The following SNAP47 variants were observed in gnomAD, a reference collection of about 807,000 sequenced individuals.
SNAP47 encodes the protein synaptosome associated protein 47.
SNAP47 carries 20 observed loss-of-function variants against 31.4 expected under a neutral mutation model. The observed-to-expected ratio is 0.64, with a 90% confidence interval of 0.45 to 0.93. SNAP47 has a LOEUF of 0.93. Among genes scored for constraint, SNAP47 ranks in the 40% least tolerant of loss-of-function variants. The pLI is 0.00. For synonymous variants in SNAP47, 194 were observed against 213.4 expected (o/e 0.91, Z 0.79); for missense variants, 492 against 528.5 (o/e 0.93, Z 0.68).
chr1:227,734,076 CG>C, upstream of SNAP47: 1 of 1,596,912 alleles, frequency 6.3e-7, no homozygotes, highest in East Asian at 2.2e-5. Flanking sequence ...ACGTGAGGCA[CG>C]AGGAGACTAG....
At position 227,780,681 on chromosome 1, in the gene SNAP47, A is replaced by G. The variant is rs2103010419; in HGVS notation, c.*8A>G. On this transcript the variant is annotated 3_prime_UTR_variant, in exon 5 of 5. Transcript: ENST00000617596. ...ATGAAGAGGCTGACCTAGGGGCAGA[A>G]CGTCCCTGCATTCCTGTCTCACCCT... is the stretch of plus-strand genomic sequence containing the variant. 1 of 1,613,994 alleles carries G rather than the reference A, an allele frequency of 6.2e-7. No homozygotes were observed. Among genetic ancestry groups the G allele is most frequent in the African/African-American group, 1.3e-5 (1 of 75,064 alleles).
rs2102897584 is a variant in SNAP47 at position 227,741,430 on chromosome 1, G to A, written c.-46+5931G>A. ...CTCAGCAAGGCCCCTTGGCTCATGG[G>A]CCAGGTCCAGCTACCACATTTTTGT... On this transcript the variant is annotated intron_variant, in intron 1 of 4. Coordinates refer to ENST00000617596, the MANE Select transcript of SNAP47 (RefSeq NM_053052.4). This position sits in a 1 kb window ranked among gnomAD's most constrained non-coding sequence, Gnocchi z 4.2. Among the ~76,000 whole-genome samples the A allele has an allele frequency of 6.6e-6, 1 of 152,276 alleles. No homozygotes were observed. Among genetic ancestry groups the A allele is most frequent in the South Asian group, 2.1e-4 (1 of 4,826 alleles).
chr1:227,772,476 C>A (rs1340095765), intron 4 of SNAP47, among the ~76,000 whole-genome samples: 1 of 151,948 alleles, frequency 6.6e-6, no homozygotes, highest in African/African-American at 2.4e-5. Flanking sequence ...AGGGCCCATG[C>A]ACTGAAAACC....
At chr1:227,740,859 G>A (rs1333206254) in intron 1 of SNAP47, among the ~76,000 whole-genome samples, 1 of 151,964 alleles carries the variant, frequency 6.6e-6, no homozygotes, top group African/African-American at 2.4e-5. Flanking sequence ...GGGGTGGGAG[G>A]AGGTGCCCAG....
chr1:227,745,046 C>T (rs1661872554), intron 1 of SNAP47, among the ~76,000 whole-genome samples: 1 of 152,232 alleles, frequency 6.6e-6, no homozygotes, highest in African/African-American at 2.4e-5. Flanking sequence ...CTGTGCTCTT[C>T]TCCCTGGGCT....
At position 227,754,947 on chromosome 1, in the gene SNAP47, A is replaced by G. The variant is rs565762048; in HGVS notation, c.498-4048A>G. 3.9e-5 allele frequency among the ~76,000 whole-genome samples: 6 copies of G among 152,272 alleles called. 2 individuals carry two copies. The highest frequency in any genetic ancestry group is 1.4e-4 in the African/African-American group (6 of 41,552). On this transcript the variant is annotated intron_variant, in intron 2 of 4. Coordinates refer to ENST00000617596, the MANE Select transcript of SNAP47 (RefSeq NM_053052.4). ...TTGTATAAACCAAAAGTAAAATCCTAAGCACCCCAGCCAACTGAATGGATC... is the reference window on the plus strand; with the variant it reads ...TTGTATAAACCAAAAGTAAAATCCTGAGCACCCCAGCCAACTGAATGGATC...
intron 4 of SNAP47, among the ~76,000 whole-genome samples, chr1:227,778,648 G>A (rs1398574117): frequency 3.3e-5 from 5 of 152,224 alleles, no homozygotes; most frequent in East Asian, 1.9e-4. Context: ...GGTGAGAAGG[G>A]AGCAGGTTAG....
At chr1:227,766,594 G>C (rs1009933560) in intron 3 of SNAP47, among the ~76,000 whole-genome samples, 1 of 152,250 alleles carries the variant, frequency 6.6e-6, no homozygotes, top group Non-Finnish European at 1.5e-5. Flanking sequence ...CTGCAGAGTA[G>C]CTCAGATGTC....
At chr1:227,735,563 C>G in intron 1 of SNAP47, 64 bp downstream of exon 1, 1 of 1,348,442 alleles carries the variant, frequency 7.4e-7, no homozygotes. Flanking sequence ...CCGCCCTCGG[C>G]TCAGTCCGCG....
At chr1:227,773,862 A>G (rs1158384047) in intron 4 of SNAP47, among the ~76,000 whole-genome samples, 1 of 152,234 alleles carries the variant, frequency 6.6e-6, no homozygotes, top group East Asian at 1.9e-4. Context: ...ACCCCGAGCC[A>G]TGGTTCCTCA....
At chr1:227,733,315 C>G, upstream of SNAP47, 3 of 1,332,958 alleles carry the variant, frequency 2.3e-6, no homozygotes, top group Non-Finnish European at 3.0e-6. Flanking sequence ...CATGAGCCAC[C>G]CCATTCCAGC....
intron 2 of SNAP47, among the ~76,000 whole-genome samples, chr1:227,753,038 A>G (rs1662476113): frequency 6.6e-6 from 1 of 152,152 alleles, no homozygotes; most frequent in Admixed American, 6.5e-5. Flanking sequence ...CTGTTTTCCC[A>G]AGGCATTTTT....
intron 1 of SNAP47, 67 bp from the exon 2 acceptor site, chr1:227,747,625 C>T (rs996599096): frequency 1.3e-6 from 2 of 1,497,756 alleles, no homozygotes; most frequent in Non-Finnish European, 1.8e-6. Context: ...AGGCAGCATC[C>T]TTGTGGGGTT....
chr1:227,771,021 A>C (rs1243860020), intron 4 of SNAP47, among the ~76,000 whole-genome samples: 1 of 152,204 alleles, frequency 6.6e-6, no homozygotes, highest in Non-Finnish European at 1.5e-5. Context: ...GGCCACCCCC[A>C]AGGTGACTGG....
chr1:227,778,321 G>A (rs1664275239), intron 4 of SNAP47, among the ~76,000 whole-genome samples: 1 of 152,264 alleles, frequency 6.6e-6, no homozygotes. Flanking sequence ...CTGATGCAGG[G>A]GCTAGTGGGA....
chr1:227,755,642 C>G (rs1662649687), intron 2 of SNAP47, among the ~76,000 whole-genome samples: 1 of 152,202 alleles, frequency 6.6e-6, no homozygotes, highest in South Asian at 2.1e-4. Flanking sequence ...CCTCGGCCTC[C>G]TGAAGTGCTG....
chr1:227,748,144 G>A lies in SNAP47; in HGVS notation c.408G>A (p.Thr136=), dbSNP rs139457264. ...GATCCCAGAAACGCCTGGAGGACAC[G>A]GCGAGGGTCCTGCACCACCAGGGCC... ...MAGSQKRLED[T]ARVLHHQGQQ... The change falls in exon 2 of 5, where the codon ACG becomes ACA. Residue 136 remains threonine, a synonymous_variant. Coordinates refer to ENST00000617596, the MANE Select transcript of SNAP47 (RefSeq NM_053052.4). 9 of 1,613,890 alleles carry A rather than the reference G, an allele frequency of 5.6e-6. No individual in the cohort carries two copies. Among genetic ancestry groups the A allele is most frequent in the Middle Eastern group, 1.7e-4 (1 of 6,044 alleles).
chr1:227,765,647 A>C (rs941852985), intron 3 of SNAP47, among the ~76,000 whole-genome samples: 2 of 152,244 alleles, frequency 1.3e-5, no homozygotes, highest in Non-Finnish European at 2.9e-5. Flanking sequence ...AGAGTGGGAT[A>C]GGAAAACAGC....
intron 3 of SNAP47, among the ~76,000 whole-genome samples, chr1:227,765,266 G>T (rs1357840636): frequency 6.6e-6 from 1 of 152,232 alleles, no homozygotes; most frequent in Non-Finnish European, 1.5e-5. Flanking sequence ...GGCTCTTGGA[G>T]GAAGGAGGCA....
Sources: allele counts gnomAD v4.1 joint callset (sites outside exome capture counted in the v4.1 genomes callset), GRCh38; gene constraint gnomAD v4.1.1; non-coding constraint Gnocchi (gnomAD v3.1); transcripts MANE v1.5; gene names NCBI Gene and HGNC (gene_info 2026-07-23, HGNC 2026-07-21).